The following TOP1MT variants were observed in gnomAD, a reference collection of about 807,000 sequenced individuals.
TOP1MT encodes the protein DNA topoisomerase I mitochondrial, also known as DNA topoisomerase I, mitochondrial.
TOP1MT carries 80 observed loss-of-function variants against 73.9 expected under a neutral mutation model. The ratio of observed to expected loss-of-function variants is 1.08; its 90% CI spans 0.90 to 1.30. TOP1MT has a LOEUF of 1.30. Ranked by LOEUF, TOP1MT falls within the 50% of genes most tolerant of loss-of-function variation. TOP1MT has a pLI of 0.00. For missense variants in TOP1MT, 815 were observed against 808.0 expected, an observed-to-expected ratio of 1.01 and a Z score of -0.10; for synonymous variants, 338 against 326.4, an observed-to-expected ratio of 1.04 and a Z score of -0.38.
Position 143,321,915 on chromosome 8 carries a change from C to G in TOP1MT, c.961-529G>C, listed in dbSNP as rs200091482. On this transcript the variant is annotated intron_variant, in intron 7 of 13. Transcript: ENST00000329245. ...CACAGGCACGCCACACACACAGGCACGCCACACACATGCACGCCACACACG... is the reference window on the plus strand; with the variant it reads ...CACAGGCACGCCACACACACAGGCAGGCCACACACATGCACGCCACACACG... Among the ~76,000 whole-genome samples, 74 of 96,078 alleles carry G rather than the reference C, an allele frequency of 7.7e-4. 6 individuals are homozygous for G. Among genetic ancestry groups the G allele is most frequent in the East Asian group, 3.3e-3 (5 of 1,514 alleles). 63.0% of individuals were successfully genotyped at this position (96,078 alleles called of 152,430 possible). A position where few individuals can be genotyped will look rare whatever the true frequency, so the allele number is the denominator to read the frequency against.
upstream of TOP1MT, among the ~76,000 whole-genome samples, chr8:143,349,548 T>C (rs1215558005): frequency 6.6e-6 from 1 of 152,144 alleles, no homozygotes; most frequent in Non-Finnish European, 1.5e-5. Context: ...TCTTCGTTCT[T>C]GGGACCAAAG....
rs1815969250 is a variant in TOP1MT, at chr8:143,310,148, G to A, written c.1623C>T (p.Ala541=). The A allele has an allele frequency of 6.2e-7, 1 of 1,612,542 alleles. No individual in the cohort carries two copies. Among genetic ancestry groups the A allele is most frequent in the Non-Finnish European group, 8.5e-7 (1 of 1,179,550 alleles). ...CCTGCTTGTTCTCCTCCTTGTCCGT[G>A]GCCTGCACACTCAGCTGCGCCAGCT... ...QEQLAQLSVQ[A]TDKEENKQVA... The change falls in exon 13 of 14, where the codon GCC becomes GCT. Residue 541 remains alanine (A), a synonymous_variant. Transcript: ENST00000329245.
intron 1 of TOP1MT, among the ~76,000 whole-genome samples, chr8:143,354,656 G>A (rs1240636488): frequency 6.6e-6 from 1 of 151,884 alleles, no homozygotes; most frequent in East Asian, 1.9e-4. Flanking sequence ...AGGTTGCGGT[G>A]AGCCGAGATA....
intron 1 of TOP1MT, chr8:143,334,063 A>C (rs116294025): frequency 6.6e-6 from 1 of 152,288 alleles, no homozygotes; most frequent in Admixed American, 6.5e-5. Context: ...GAATGATGAT[A>C]AACCGCGAGA....
chr8:143,315,201 C>T (rs994682687), intron 12 of TOP1MT, among the ~76,000 whole-genome samples: 3 of 152,186 alleles, frequency 2.0e-5, no homozygotes, highest in African/African-American at 7.2e-5. Flanking sequence ...TATCCGGAGG[C>T]CTAACCGTCT....
rs1008906735 is a variant in TOP1MT, at chr8:143,324,212, C to A, written c.817-70G>T. Reference sequence around the variant, plus strand: ...TAAATAACGGAGGAGGCTGTCAACTCTCCCTCCCCCAAACCTCGTGCTTCT... The same window carrying A: ...TAAATAACGGAGGAGGCTGTCAACTATCCCTCCCCCAAACCTCGTGCTTCT... On this transcript the variant is annotated intron_variant, in intron 6 of 13. Transcript: ENST00000329245. 4 of 1,582,738 alleles carry A rather than the reference C, an allele frequency of 2.5e-6. No individual in the cohort carries two copies. The African/African-American group carries it at 4.0e-5, about 16-fold the overall frequency.
At chr8:143,320,454 G>A (rs1816299622) in intron 8 of TOP1MT, among the ~76,000 whole-genome samples, 1 of 152,118 alleles carries the variant, frequency 6.6e-6, no homozygotes, top group Non-Finnish European at 1.5e-5. Context: ...TTATTTCAGA[G>A]ACAGGGTCTC....
At chr8:143,317,464 G>C (rs773307544) in intron 10 of TOP1MT, among the ~76,000 whole-genome samples, 1 of 152,240 alleles carries the variant, frequency 6.6e-6, no homozygotes, top group Non-Finnish European at 1.5e-5. Context: ...CATGGGGCCT[G>C]AGTAGGGCTC....
intron 1 of TOP1MT, among the ~76,000 whole-genome samples, chr8:143,353,147 G>A (rs1282798587): frequency 6.6e-6 from 1 of 152,128 alleles, no homozygotes; most frequent in African/African-American, 2.4e-5. Context: ...AGGCGGGGTG[G>A]CTCACACCTG....
Position 143,331,241 on chromosome 8 carries a change from A to G in TOP1MT, c.221T>C (p.Val74Ala), listed in dbSNP as rs528707532. Reference protein sequence around the residue: ...APPYEPLPDGVRFFYEGRPVR... With the variant: ...APPYEPLPDGARFFYEGRPVR... The stretch of plus-strand genomic sequence containing the variant: ...ATCCTTACCTTCATAGAAGAAACGC[A>G]CTCCGTCGGGAAGGGGCTCGTATGG... Residue 74 changes from valine to alanine, a missense_variant, in exon 2 of 14, where the codon GTG (valine) becomes GCG (alanine). By Grantham distance (64) the Val-to-Ala change is moderately conservative (BLOSUM62 0). Around this residue, in one of 3 missense-constraint regions of TOP1MT, gnomAD observed 751 missense variants for 725.4 expected, o/e 1.04. Transcript: ENST00000329245. 26 of 1,607,436 alleles carry G rather than the reference A, an allele frequency of 1.6e-5. No individual in the cohort carries two copies. The East Asian group carries it at 5.4e-4, about 33-fold the overall frequency.
Position 143,340,240 on chromosome 8 carries a change from A to G in TOP1MT, c.29+2980T>C, listed in dbSNP as rs150270372. On this transcript the variant is annotated intron_variant, in intron 2 of 5. Coordinates refer to the TOP1MT transcript ENST00000518007. ...ATTCCCCCCCTCCCAGCACTGGTCT[A>G]CACAGCATTCCCACACTCCCAGCAC... 3.5e-4 allele frequency among the ~76,000 whole-genome samples: 9 copies of G among 25,484 alleles called. 2 individuals carry two copies. Among genetic ancestry groups the G allele is most frequent in the Non-Finnish European group, 9.5e-4 (7 of 7,382 alleles). 16.7% of individuals were successfully genotyped at this position (25,484 alleles called of 152,430 possible). A position where few individuals can be genotyped will look rare whatever the true frequency, so the allele number is the denominator to read the frequency against.
chr8:143,342,261 CTGTTA>C (rs1412865047), intron 2 of TOP1MT, among the ~76,000 whole-genome samples: 1 of 120,050 alleles, frequency 8.3e-6, no homozygotes, highest in African/African-American at 4.0e-5. Flanking sequence ...GAGTCTCGCT[CTGTTA>C]TTATTATTAT....
intron 7 of TOP1MT, among the ~76,000 whole-genome samples, chr8:143,322,978 CACGCCA>C (rs1816548200): frequency 1.7e-5 from 2 of 119,490 alleles, no homozygotes; most frequent in Admixed American, 8.2e-5. Flanking sequence ...CACACGCACG[CACGCCA>C]CACACGCACG....
At position 143,331,349 on chromosome 8, in the gene TOP1MT, G is replaced by C; in HGVS notation, c.123-10C>G. The C allele has an allele frequency of 6.2e-7, 1 of 1,607,074 alleles. No individual in the cohort carries two copies. Among genetic ancestry groups the C allele is most frequent in the Non-Finnish European group, 8.5e-7 (1 of 1,174,968 alleles). ...CTTCTCCTTCTCCCACCTAAAGACG[G>C]AGACAGGACGTGTCACTCTCCTGGG... is the stretch of plus-strand genomic sequence containing the variant. On this transcript the variant is annotated splice_polypyrimidine_tract_variant and intron_variant, in intron 1 of 13. Coordinates refer to ENST00000329245, the MANE Select transcript of TOP1MT (RefSeq NM_052963.3).
chr8:143,334,606 T>G, intron 1 of TOP1MT, 134 bp downstream of exon 1: 1 of 1,293,618 alleles, frequency 7.7e-7, no homozygotes, highest in Non-Finnish European at 1.0e-6. Flanking sequence ...GCGGCACGCA[T>G]GCTCTCCTGG....
At chr8:143,348,814 G>A (rs1014065796), upstream of TOP1MT, among the ~76,000 whole-genome samples, 5 of 152,258 alleles carry the variant, frequency 3.3e-5, no homozygotes, top group African/African-American at 1.2e-4. This position sits in a 1 kb window ranked among gnomAD's most constrained non-coding sequence, Gnocchi z 4.6. Context: ...CACAGCTACA[G>A]GGACTGACCC....
At chr8:143,311,125 T>C (rs1431216442) in intron 12 of TOP1MT, among the ~76,000 whole-genome samples, 3 of 148,474 alleles carry the variant, frequency 2.0e-5, no homozygotes, top group Admixed American at 2.0e-4. Context: ...TGATTTTTTT[T>C]TTTTTTTTTT....
At chr8:143,322,267 GCCACACACAT>G (rs1816452546) in intron 7 of TOP1MT, among the ~76,000 whole-genome samples, 1 of 20,250 alleles carries the variant, frequency 4.9e-5, no homozygotes, top group African/African-American at 2.1e-4. Flanking sequence ...ACACACACAC[GCCACACACAT>G]GCACGCCACA....
intron 3 of TOP1MT, 79 bp from the exon 4 acceptor site, chr8:143,326,423 AGAAACGCGCTCTCGCCATGTCCG>A (rs1430917735): frequency 1.9e-6 from 3 of 1,582,538 alleles, no homozygotes; most frequent in African/African-American, 2.7e-5. Context: ...TCTGACGGAC[AGAAACGCGCTCTCGCCATGTCCG>A]ACGGAGGCGT....
Sources: gnomAD v4.1 joint callset for allele counts (sites outside exome capture counted in the v4.1 genomes callset) on GRCh38, gnomAD v4.1.1 for gene constraint, gnomAD v4.1.1 regional missense constraint, Gnocchi (gnomAD v3.1) non-coding constraint, MANE v1.5 for transcripts, NCBI Gene and HGNC (gene_info 2026-07-23, HGNC 2026-07-21) for gene names.